Variants in CUL3 observed in about 807,000 individuals in gnomAD.
The protein encoded by CUL3 is cullin-3.
Under a neutral mutation model 89.1 loss-of-function variants are expected in CUL3, and 19 were observed. The ratio of observed to expected loss-of-function variants is 0.21; its 90% CI spans 0.15 to 0.31. The LOEUF is 0.31. CUL3 is among the 10% of genes least tolerant of loss of function. The pLI is 1.00. For missense variants in CUL3, 469 were observed against 942.3 expected (o/e 0.50, Z 6.58); for synonymous variants, 351 against 308.4 (o/e 1.14, Z -1.45).
rs1025145640 is a variant in CUL3 at position 224,516,597 on chromosome 2, G to A, written c.379-1825C>T. On this transcript the variant is annotated intron_variant, in intron 3 of 15. Transcript: ENST00000264414. The stretch of plus-strand genomic sequence containing the variant: ...CCCAAAATGCTGGGATTACAGGCGC[G>A]AGCCTCTGAGCCCAGCCTCCCTCCT... 2.6e-5 allele frequency among the ~76,000 whole-genome samples: 4 copies of A among 151,656 alleles called. No homozygotes were observed. The East Asian group carries it at 5.8e-4, about 22-fold the overall frequency.
At chr2:224,577,328 G>A (rs914869823) in intron 1 of CUL3, among the ~76,000 whole-genome samples, 11 of 152,272 alleles carry the variant, frequency 7.2e-5, no homozygotes, top group Admixed American at 6.5e-4. Context: ...CAGCACTGTA[G>A]GAGGATGAGG....
intron 2 of CUL3, among the ~76,000 whole-genome samples, chr2:224,540,925 A>G (rs931186978): frequency 6.6e-6 from 1 of 152,146 alleles, no homozygotes; most frequent in Non-Finnish European, 1.5e-5. Flanking sequence ...AATGCCACTG[A>G]TTAACATTTA....
intron 1 of CUL3, among the ~76,000 whole-genome samples, chr2:224,572,480 T>TAA (rs777832978): frequency 1.2e-4 from 16 of 133,030 alleles, no homozygotes; most frequent in African/African-American, 4.2e-4. Flanking sequence ...CCCTGTCTCT[T>TAA]AAAAAAAAAA....
chr2:224,539,123 C>T (rs1001427641), intron 2 of CUL3, among the ~76,000 whole-genome samples: 2 of 152,140 alleles, frequency 1.3e-5, no homozygotes, highest in Admixed American at 6.5e-5. Flanking sequence ...ATTCTTAAAA[C>T]TTAGAAAGTA....
At chr2:224,558,375 T>C (rs1420564165) in intron 1 of CUL3, among the ~76,000 whole-genome samples, 1 of 152,216 alleles carries the variant, frequency 6.6e-6, no homozygotes, top group African/African-American at 2.4e-5. Context: ...TCTACTCTTC[T>C]AGATGATTTT....
At chr2:224,518,297 C>A (rs1426739391) in intron 3 of CUL3, among the ~76,000 whole-genome samples, 3 of 151,016 alleles carry the variant, frequency 2.0e-5, no homozygotes, top group Middle Eastern at 3.2e-3. Context: ...TTGTAACATA[C>A]AACAGTATTT....
intron 3 of CUL3, among the ~76,000 whole-genome samples, chr2:224,515,953 G>A (rs1693023655): frequency 6.6e-6 from 1 of 152,024 alleles, no homozygotes; most frequent in Non-Finnish European, 1.5e-5. Flanking sequence ...GCCTCCCAAA[G>A]TGCTGGGATT....
chr2:224,504,645 C>T (rs1692522489), intron 8 of CUL3, among the ~76,000 whole-genome samples: 1 of 152,294 alleles, frequency 6.6e-6, no homozygotes, highest in South Asian at 2.1e-4. Flanking sequence ...GATTCTGTGG[C>T]AGGTTGTATT....
At chr2:224,579,671 G>GCATTT (rs1186424619) in intron 1 of CUL3, among the ~76,000 whole-genome samples, 61 of 152,184 alleles carry the variant, frequency 4.0e-4, no homozygotes, top group Non-Finnish European at 6.2e-4. Context: ...TAGGGAGTGG[G>GCATTT]CATTTTATCA....
At chr2:224,492,761 T>C (rs778114475) in intron 13 of CUL3, among the ~76,000 whole-genome samples, 1 of 152,206 alleles carries the variant, frequency 6.6e-6, no homozygotes, top group Non-Finnish European at 1.5e-5. Context: ...CCCTGGTATA[T>C]GTTAATCTTG....
intron 15 of CUL3, 48 bp from the exon 16 acceptor site, chr2:224,474,424 G>T: frequency 1.3e-6 from 2 of 1,526,390 alleles, no homozygotes; most frequent in South Asian, 2.4e-5. Context: ...ATAAAAATTC[G>T]TATCTTTGAA....
At position 224,534,925 on chromosome 2, in the gene CUL3, C is replaced by T. The variant is rs984673150; in HGVS notation, c.378+603G>A. ...CTAAGGCAGGAGAATGGCGTGAACC[C>T]GGGAGGCAGAGCTTGCAGTGAGCCG... On this transcript the variant is annotated intron_variant, in intron 3 of 15. Transcript: ENST00000264414. Among the ~76,000 whole-genome samples the T allele has an allele frequency of 2.6e-5, 4 of 151,458 alleles. 1 individual carries two copies. The highest frequency in any genetic ancestry group is 4.2e-4 in the South Asian group (2 of 4,794).
At chr2:224,481,241 A>T (rs1476565212) in intron 14 of CUL3, among the ~76,000 whole-genome samples, 1 of 152,092 alleles carries the variant, frequency 6.6e-6, no homozygotes, top group African/African-American at 2.4e-5. Flanking sequence ...AGCCTATCTA[A>T]TACTAGTTTT....
intron 1 of CUL3, among the ~76,000 whole-genome samples, chr2:224,582,047 C>T (rs573492499): frequency 6.6e-6 from 1 of 152,114 alleles, no homozygotes; most frequent in Non-Finnish European, 1.5e-5. Flanking sequence ...TCACTGCAAC[C>T]TCGGCCTTAC....
At chr2:224,542,856 C>G (rs1694168289) in intron 2 of CUL3, among the ~76,000 whole-genome samples, 1 of 152,088 alleles carries the variant, frequency 6.6e-6, no homozygotes, top group Non-Finnish European at 1.5e-5. Flanking sequence ...CAGGAATGAC[C>G]AGGAGCTACA....
chr2:224,581,971 T>A (rs1315320405), intron 1 of CUL3, among the ~76,000 whole-genome samples: 1 of 148,162 alleles, frequency 6.7e-6, no homozygotes, highest in Non-Finnish European at 1.5e-5. Context: ...CCATAAACAA[T>A]TTTTTTTTTT....
At chr2:224,500,566 T>C (rs1692344189) in intron 10 of CUL3, 79 bp from the exon 11 acceptor site, 3 of 1,389,852 alleles carry the variant, frequency 2.2e-6, no homozygotes, top group Admixed American at 1.9e-5. Flanking sequence ...TTGTGTTAGA[T>C]TTACCAAAGC....
intron 3 of CUL3, among the ~76,000 whole-genome samples, chr2:224,520,652 CA>C (rs1168003269): frequency 6.6e-6 from 1 of 152,124 alleles, no homozygotes; most frequent in Non-Finnish European, 1.5e-5. Context: ...TTCTAAGCCA[CA>C]AGAAAAGGAA....
At chr2:224,542,575 G>A (rs1055551613) in intron 2 of CUL3, among the ~76,000 whole-genome samples, 4 of 152,026 alleles carry the variant, frequency 2.6e-5, no homozygotes, top group Non-Finnish European at 2.9e-5. Flanking sequence ...GTGTGTGCGC[G>A]CGCGCATGCG....
Sources: allele counts gnomAD v4.1 joint callset (sites outside exome capture counted in the v4.1 genomes callset), GRCh38; gene constraint gnomAD v4.1.1; transcripts MANE v1.5; gene names NCBI Gene and HGNC (gene_info 2026-07-23, HGNC 2026-07-21).